Variants in ANKRD34A observed in about 807,000 individuals in gnomAD.
ANKRD34A encodes ankyrin repeat domain 34A.
Under a neutral mutation model 27.1 loss-of-function variants are expected in ANKRD34A, and 7 were observed. The ratio of observed to expected loss-of-function variants is 0.26; its 90% CI spans 0.15 to 0.49. The LOEUF (loss-of-function observed/expected upper bound fraction) is 0.49, where lower values mean the gene tolerates loss of function less well. Ranked by LOEUF, ANKRD34A falls within the 20% of genes least tolerant of loss-of-function variation. The pLI, the probability that ANKRD34A is intolerant of heterozygous loss-of-function variation, is 0.99. For missense variants in ANKRD34A, 472 were observed against 682.1 expected, an observed-to-expected ratio of 0.69 and a Z score of 3.43; for synonymous variants, 301 against 300.8, an observed-to-expected ratio of 1.00 and a Z score of -0.01.
At position 145,960,756 on chromosome 1, in the gene ANKRD34A, C is replaced by A. The variant is rs201099605; in HGVS notation, c.1004G>T (p.Arg335Leu). 8.6e-5 allele frequency: 139 copies of A among 1,614,094 alleles called. No homozygotes were observed. Among genetic ancestry groups the A allele is most frequent in the Admixed American group, 2.2e-4 (13 of 60,014 alleles). Residue 335 changes from arginine to leucine, a missense_variant, in exon 4 of 4, where the codon CGC becomes CTC. Transcript: ENST00000606888. This position sits in a 1 kb window ranked among gnomAD's most constrained non-coding sequence, Gnocchi z 5.5. ...PPSGLRQKLS[R>L]MEPVELDTPG... The stretch of plus-strand genomic sequence containing the variant: ...GGTGTCCAGCTCCACTGGCTCCATG[C>A]GGCTCAGTTTCTGCCTCAGCCCTGA...
rs1649695098 is a variant in ANKRD34A, at chr1:145,960,539, C to T, written c.1221G>A (p.Arg407=). ...GGTCCAGGAGCAACGTCCCCGAGCC[C>T]CTCCGCTCCAGCAGCCCCGGACTCC... ...RRRSPGLLER[R]GSGTLLLDHI... Residue 407 remains arginine (R), a synonymous_variant, in exon 4 of 4, where the codon AGG becomes AGA. Transcript: ENST00000606888. This position sits in a 1 kb window ranked among gnomAD's most constrained non-coding sequence, Gnocchi z 5.5. The T allele has an allele frequency of 1.9e-6, 3 of 1,587,856 alleles. No individual in the cohort carries two copies. The highest frequency in any genetic ancestry group is 1.7e-6 in the Non-Finnish European group (2 of 1,167,060).
At position 145,961,307 on chromosome 1, in the gene ANKRD34A, T is replaced by A. The variant is rs1206487138; in HGVS notation, c.453A>T (p.Ser151=). ...GATACTGCCGGGTCTTCTTGGTGCC[T>A]GAGGGCGAGGTATCGGTGGTGATGA... ...VIIITTDTSP[S]GTKKTRQYLN... is the part of the protein sequence containing the mutation. The change falls in exon 4 of 4, where the codon TCA becomes TCT. Residue 151 remains serine, a synonymous_variant. Transcript: ENST00000606888. This position sits in a 1 kb window ranked among gnomAD's most constrained non-coding sequence, Gnocchi z 9.5. The A allele has an allele frequency of 6.2e-7, 1 of 1,613,842 alleles. No homozygotes were observed. Among genetic ancestry groups the A allele is most frequent in the African/African-American group, 1.3e-5 (1 of 74,910 alleles).
At position 145,959,753 on chromosome 1, in the gene ANKRD34A, C is replaced by A. The variant is rs1233425097; in HGVS notation, c.*516G>T. On this transcript the variant is annotated 3_prime_UTR_variant, in exon 4 of 4. Coordinates refer to ENST00000606888, the MANE Select transcript of ANKRD34A (RefSeq NM_001039888.4). ...CCTGAAAAGTGGTTGGGGTTAGAAG[C>A]AGGGTGTGAATAAGGAGCCAGGCCT... The A allele has an allele frequency of 5.8e-6, 1 of 171,046 alleles. No homozygotes were observed. The highest frequency in any genetic ancestry group is 2.4e-5 in the African/African-American group (1 of 41,806). The allele number at this position is 171,046 out of a possible 1,614,324, so 10.6% of individuals were successfully genotyped here. A position where few individuals can be genotyped will look rare whatever the true frequency, so the allele number is the denominator to read the frequency against.
chr1:145,961,853 C>G lies in ANKRD34A; in HGVS notation c.-94G>C. 1 of 1,394,518 alleles carries G rather than the reference C, an allele frequency of 7.2e-7. No individual in the cohort carries two copies. The highest frequency in any genetic ancestry group is 9.5e-7 in the Non-Finnish European group (1 of 1,050,790). 86.4% of individuals were successfully genotyped at this position (1,394,518 alleles called of 1,614,324 possible). A position where few individuals can be genotyped will look rare whatever the true frequency, so the allele number is the denominator to read the frequency against. On this transcript the variant is annotated 5_prime_UTR_variant, in exon 4 of 4. Coordinates refer to ENST00000606888, the MANE Select transcript of ANKRD34A (RefSeq NM_001039888.4). The surrounding 1 kb of genome is among the most constrained non-coding windows in gnomAD (Gnocchi z 9.5). Reference sequence around the variant, plus strand: ...GGGAGGGGGAGTGGCTGGCAGAGGCCTGAGGTCTCAGTGACGAAGCCGATC... The same window carrying G: ...GGGAGGGGGAGTGGCTGGCAGAGGCGTGAGGTCTCAGTGACGAAGCCGATC...
In ANKRD34A at chr1:145,960,605, C is replaced by G; in HGVS notation, c.1155G>C (p.Glu385Asp). The change falls in exon 4 of 4, where the codon GAG becomes GAC. Residue 385 changes from glutamate (E) to aspartate (D), a missense_variant. Physicochemically the swap from Glu to Asp is conservative, Grantham distance 45. Coordinates refer to ENST00000606888, the MANE Select transcript of ANKRD34A (RefSeq NM_001039888.4). The surrounding 1 kb of genome is among the most constrained non-coding windows in gnomAD (Gnocchi z 5.5). ...GCGGAGATACTGCCCCTGGCAGACTCTCCTGGGACTGGCGCGGAGAGGGAG... is the reference window on the plus strand; with the variant it reads ...GCGGAGATACTGCCCCTGGCAGACTGTCCTGGGACTGGCGCGGAGAGGGAG... ...GSAPSPRQSQ[E>D]SLPGAVSPLS... 6.3e-7 allele frequency: 1 copy of G among 1,585,324 alleles called. No individual in the cohort carries two copies. Among genetic ancestry groups the G allele is most frequent in the Non-Finnish European group, 8.6e-7 (1 of 1,163,990 alleles).
rs587708757 is a variant in ANKRD34A at position 145,960,854 on chromosome 1, C to T, written c.906G>A (p.Ala302=). 9.3e-6 allele frequency: 15 copies of T among 1,614,212 alleles called. No individual in the cohort carries two copies. The East Asian group carries it at 1.6e-4, about 17-fold the overall frequency. Residue 302 remains alanine (A), a synonymous_variant, in exon 4 of 4, where the codon GCG becomes GCA. Coordinates refer to ENST00000606888, the MANE Select transcript of ANKRD34A (RefSeq NM_001039888.4). This position sits in a 1 kb window ranked among gnomAD's most constrained non-coding sequence, Gnocchi z 5.5. The stretch of plus-strand genomic sequence containing the variant: ...GAGGACCCCCGCTAGTCACTTTCTC[C>T]GCCCATGGGGGCGGGTCCTCAGGGC... ...TEGPEDPPPW[A]EKVTSGGPLS... is the part of the protein sequence containing the mutation.
At position 145,961,503 on chromosome 1, in the gene ANKRD34A, G is replaced by C; in HGVS notation, c.257C>G (p.Ala86Gly). 6.3e-7 allele frequency: 1 copy of C among 1,574,962 alleles called. No individual in the cohort carries two copies. The highest frequency in any genetic ancestry group is 8.6e-7 in the Non-Finnish European group (1 of 1,160,820). ...LGRTALMHAC[A>G]GGGGAAVASL... ...GGCCACCGCGGCGCCCCCACCCCCG[G>C]CGCAAGCGTGCATGAGCGCCGTGCG... Residue 86 changes from alanine (A) to glycine (G), a missense_variant, in exon 4 of 4, where the codon GCC becomes GGC. Coordinates refer to ENST00000606888, the MANE Select transcript of ANKRD34A (RefSeq NM_001039888.4). This position sits in a 1 kb window ranked among gnomAD's most constrained non-coding sequence, Gnocchi z 9.5.
Position 145,961,364 on chromosome 1 carries a change from G to C in ANKRD34A, c.396C>G (p.Asp132Glu), listed in dbSNP as rs144409534. 1.9e-6 allele frequency: 3 copies of C among 1,613,820 alleles called. No homozygotes were observed. The highest frequency in any genetic ancestry group is 2.5e-6 in the Non-Finnish European group (3 of 1,180,002). ...CCTCCGTACCCTTGGCCTTGCAGGCGTCCAGCAGTGTGGCAAGGGTCTCGC... is the reference window on the plus strand; with the variant it reads ...CCTCCGTACCCTTGGCCTTGCAGGCCTCCAGCAGTGTGGCAAGGGTCTCGC... The part of the protein sequence containing the change: ...GDRETLATLL[D>E]ACKAKGTEVI... Residue 132 changes from aspartate to glutamate, a missense_variant, in exon 4 of 4, where the codon GAC (aspartate) becomes GAG (glutamate). Asp to Glu is a conservative substitution (Grantham distance 45). Around this residue, in one of 4 missense-constraint regions of ANKRD34A, gnomAD observed 118 missense variants for 253.6 expected, o/e 0.47. Transcript: ENST00000606888. This position sits in a 1 kb window ranked among gnomAD's most constrained non-coding sequence, Gnocchi z 9.5.
Position 145,962,423 on chromosome 1 carries a change from G to C in ANKRD34A, c.-123C>G, listed in dbSNP as rs1458733322. The C allele has an allele frequency of 6.6e-6, 1 of 151,482 alleles. No homozygotes were observed. The highest frequency in any genetic ancestry group is 6.6e-5 in the Admixed American group (1 of 15,238). The allele number at this position is 151,482 out of a possible 1,614,324, so 9.4% of individuals were successfully genotyped here. A position where few individuals can be genotyped will look rare whatever the true frequency, so the allele number is the denominator to read the frequency against. ...AGGCTGTGTGCCCAGATAGATACCT[G>C]AATGTCCGCAGAATCTCCGCCTGGC... is the stretch of plus-strand genomic sequence containing the variant. On this transcript the variant is annotated splice_region_variant and 5_prime_UTR_variant, in exon 3 of 4. Transcript: ENST00000606888.
rs1553761462 is a variant in ANKRD34A at position 145,961,807 on chromosome 1, C to A, written c.-48G>T. On this transcript the variant is annotated 5_prime_UTR_variant, in exon 4 of 4. Coordinates refer to ENST00000606888, the MANE Select transcript of ANKRD34A (RefSeq NM_001039888.4). This position sits in a 1 kb window ranked among gnomAD's most constrained non-coding sequence, Gnocchi z 9.5. ...CAGATGGAGCCGGGACTGAGACCTG[C>A]CGAGGATGACTAGGGGTATGGGGAG... is the stretch of plus-strand genomic sequence containing the variant. 2 of 1,555,898 alleles carry A rather than the reference C, an allele frequency of 1.3e-6. No homozygotes were observed. The highest frequency in any genetic ancestry group is 1.9e-5 in the Admixed American group (1 of 52,044).
chr1:145,963,899 A>C (rs704984), intron 1 of ANKRD34A, among the ~76,000 whole-genome samples: 38,077 of 152,090 alleles, frequency 0.25, 10,498 homozygotes, highest in African/African-American at 0.68. Context: ...AAAGACTGGG[A>C]GCTTGCCACT....
rs1553761024 is a variant in ANKRD34A, at chr1:145,960,020, TC to T, written c.*248del. On this transcript the variant is annotated 3_prime_UTR_variant, in exon 4 of 4. Transcript: ENST00000606888. The surrounding 1 kb of genome is among the most constrained non-coding windows in gnomAD (Gnocchi z 5.5). ...GCTGTGCCTGTAGGTACACAAGTAA[TC>T]CCATATGCATGTGAAATGACCAGGG... 1 of 429,554 alleles carries T rather than the reference TC, an allele frequency of 2.3e-6. No homozygotes were observed. Among genetic ancestry groups the T allele is most frequent in the Non-Finnish European group, 4.2e-6 (1 of 239,108 alleles). The allele number at this position is 429,554 out of a possible 1,614,324, so 26.6% of individuals were successfully genotyped here. A position where few individuals can be genotyped will look rare whatever the true frequency, so the allele number is the denominator to read the frequency against.
rs1553761469 is a variant in ANKRD34A, at chr1:145,961,948, G to C, written c.-120-69C>G. The C allele has an allele frequency of 1.5e-6, 1 of 661,990 alleles. No homozygotes were observed. The highest frequency in any genetic ancestry group is 2.5e-6 in the Non-Finnish European group (1 of 400,324). The allele number at this position is 661,990 out of a possible 1,614,324, so 41.0% of individuals were successfully genotyped here. ...AGGCACAGATGCAGGGACCCAGCGTGGGGTGGAGGAGACCTTCACGGCATA... is the reference window on the plus strand; with the variant it reads ...AGGCACAGATGCAGGGACCCAGCGTCGGGTGGAGGAGACCTTCACGGCATA... On this transcript the variant is annotated intron_variant, in intron 3 of 3. Transcript: ENST00000606888. The surrounding 1 kb of genome is among the most constrained non-coding windows in gnomAD (Gnocchi z 9.5).
Position 145,961,985 on chromosome 1 carries a change from C to G in ANKRD34A, c.-120-106G>C, listed in dbSNP as rs1649787770. ...ACCTTCACGGCATACAGTCCTTCCT[C>G]TAACTCATGCCTTTGAGCCGGCCCT... is the stretch of plus-strand genomic sequence containing the variant. On this transcript the variant is annotated intron_variant, in intron 3 of 3. Transcript: ENST00000606888. This position sits in a 1 kb window ranked among gnomAD's most constrained non-coding sequence, Gnocchi z 9.5. 1.8e-6 allele frequency: 1 copy of G among 561,570 alleles called. No individual in the cohort carries two copies. Among genetic ancestry groups the G allele is most frequent in the Non-Finnish European group, 3.1e-6 (1 of 322,440 alleles). 34.8% of individuals were successfully genotyped at this position (561,570 alleles called of 1,614,324 possible).
chr1:145,963,900 G>A (rs1238818942), intron 1 of ANKRD34A, among the ~76,000 whole-genome samples: 1 of 152,092 alleles, frequency 6.6e-6, no homozygotes, highest in Non-Finnish European at 1.5e-5. Flanking sequence ...AAGACTGGGA[G>A]CTTGCCACTA....
chr1:145,960,924 G>C lies in ANKRD34A; in HGVS notation c.836C>G (p.Thr279Ser). The C allele has an allele frequency of 6.2e-7, 1 of 1,614,234 alleles. No homozygotes were observed. Among genetic ancestry groups the C allele is most frequent in the South Asian group, 1.1e-5 (1 of 91,090 alleles). Residue 279 changes from threonine (T) to serine (S), a missense_variant, in exon 4 of 4, where the codon ACC becomes AGC. This residue lies in a region of ANKRD34A where 295 missense variants were observed against 335.0 expected (regional missense o/e 0.88). Coordinates refer to ENST00000606888, the MANE Select transcript of ANKRD34A (RefSeq NM_001039888.4). This position sits in a 1 kb window ranked among gnomAD's most constrained non-coding sequence, Gnocchi z 5.5. ...ERLTAEFNGL[T>S]LTGRPRLSRR... ...GGAAAGACGGGGTCGACCGGTCAGGGTCAGGCCATTGAATTCGGCAGTCAA... is the reference window on the plus strand; with the variant it reads ...GGAAAGACGGGGTCGACCGGTCAGGCTCAGGCCATTGAATTCGGCAGTCAA...
In ANKRD34A at chr1:145,960,179, C is replaced by G; in HGVS notation, c.*90G>C. ...GCACCCATGAGCACATGCAAGAGATCCCTTTGTTCGTGGTGTGTGTGTGAG... is the reference window on the plus strand; with the variant it reads ...GCACCCATGAGCACATGCAAGAGATGCCTTTGTTCGTGGTGTGTGTGTGAG... On this transcript the variant is annotated 3_prime_UTR_variant, in exon 4 of 4. Transcript: ENST00000606888. This position sits in a 1 kb window ranked among gnomAD's most constrained non-coding sequence, Gnocchi z 5.5. The G allele has an allele frequency of 1.4e-6, 2 of 1,403,780 alleles. No individual in the cohort carries two copies. The highest frequency in any genetic ancestry group is 3.1e-5 in the South Asian group (2 of 64,240). The allele number at this position is 1,403,780 out of a possible 1,614,324, so 87.0% of individuals were successfully genotyped here. A position where few individuals can be genotyped will look rare whatever the true frequency, so the allele number is the denominator to read the frequency against.
rs782338613 is a variant in ANKRD34A, at chr1:145,964,380, C to A, written c.-1093G>T. On this transcript the variant is annotated 5_prime_UTR_variant, in exon 1 of 4. Coordinates refer to ENST00000606888, the MANE Select transcript of ANKRD34A (RefSeq NM_001039888.4). The stretch of plus-strand genomic sequence containing the variant: ...AGAGGTTCATTTCTCCGTAGGCCCT[C>A]TCCTCCTTTGGCCTCTCTGTAGGGG... The A allele has an allele frequency of 6.6e-6, 1 of 152,254 alleles. No individual in the cohort carries two copies. The highest frequency in any genetic ancestry group is 1.5e-5 in the Non-Finnish European group (1 of 68,084). 9.4% of individuals were successfully genotyped at this position (152,254 alleles called of 1,614,324 possible).
rs1352753909 is a variant in ANKRD34A, at chr1:145,961,829, G to A, written c.-70C>T. The A allele has an allele frequency of 6.7e-7, 1 of 1,499,940 alleles. No homozygotes were observed. The highest frequency in any genetic ancestry group is 2.4e-5 in the East Asian group (1 of 41,504). 92.9% of individuals were successfully genotyped at this position (1,499,940 alleles called of 1,614,324 possible). On this transcript the variant is annotated 5_prime_UTR_variant, in exon 4 of 4. Transcript: ENST00000606888. The surrounding 1 kb of genome is among the most constrained non-coding windows in gnomAD (Gnocchi z 9.5). ...CTGCCGAGGATGACTAGGGGTATGG[G>A]GAGGGGGAGTGGCTGGCAGAGGCCT...
Sources: allele counts gnomAD v4.1 joint callset (sites outside exome capture counted in the v4.1 genomes callset), GRCh38; gene constraint gnomAD v4.1.1; regional missense constraint gnomAD v4.1.1; non-coding constraint Gnocchi (gnomAD v3.1); transcripts MANE v1.5; gene names NCBI Gene and HGNC (gene_info 2026-07-23, HGNC 2026-07-21).